DIAPH3: variants seen among roughly 807,000 people sequenced by gnomAD.
DIAPH3 encodes the protein protein diaphanous homolog 3.
Under a neutral mutation model 144.3 loss-of-function variants are expected in DIAPH3, and 117 were observed. The ratio of observed to expected loss-of-function variants is 0.81; its 90% CI spans 0.70 to 0.95. The LOEUF (loss-of-function observed/expected upper bound fraction) is 0.95. DIAPH3 is among the 40% of genes least tolerant of loss of function. The pLI, the probability that DIAPH3 is intolerant of heterozygous loss-of-function variation, is 0.00. For synonymous variants in DIAPH3, 519 were observed against 488.9 expected, an observed-to-expected ratio of 1.06 and a Z score of -0.81; for missense variants, 1,421 against 1,412.7, an observed-to-expected ratio of 1.01 and a Z score of -0.09.
intron 20 of DIAPH3, among the ~76,000 whole-genome samples, chr13:59,909,951 T>C (rs2046910847): frequency 6.6e-6 from 1 of 152,236 alleles, no homozygotes; most frequent in South Asian, 2.1e-4. Context: ...ATAACTTGGC[T>C]ATTTTAAGTA....
chr13:59,850,063 T>G (rs559814540), intron 22 of DIAPH3, among the ~76,000 whole-genome samples: 1 of 147,336 alleles, frequency 6.8e-6, no homozygotes, highest in Non-Finnish European at 1.5e-5. Flanking sequence ...CCTAGGTATT[T>G]TATTCTCTTT....
chr13:59,774,578 C>A (rs1238881728), intron 26 of DIAPH3, 150 bp downstream of exon 26: 1 of 784,050 alleles, frequency 1.3e-6, no homozygotes, highest in East Asian at 2.7e-5. Context: ...TTTGTCTGTG[C>A]AAGGGATTAA....
At chr13:59,988,095 C>T (rs1333795693) in intron 12 of DIAPH3, among the ~76,000 whole-genome samples, 3 of 151,862 alleles carry the variant, frequency 2.0e-5, no homozygotes, top group Non-Finnish European at 4.4e-5. Context: ...CCATCTATTA[C>T]AGTGAAGAAA....
At chr13:59,900,154 T>C (rs1243230673) in intron 20 of DIAPH3, among the ~76,000 whole-genome samples, 1 of 152,186 alleles carries the variant, frequency 6.6e-6, no homozygotes, top group Non-Finnish European at 1.5e-5. Flanking sequence ...TTGATGGAGA[T>C]TTGAACTAAA....
At chr13:60,090,443 A>G (rs1419353188) in intron 4 of DIAPH3, among the ~76,000 whole-genome samples, 1 of 152,128 alleles carries the variant, frequency 6.6e-6, no homozygotes, top group Non-Finnish European at 1.5e-5. Context: ...TTTGAGGGTT[A>G]AGTATTTTCA....
At chr13:60,140,986 G>A (rs2059414033) in intron 1 of DIAPH3, among the ~76,000 whole-genome samples, 1 of 152,078 alleles carries the variant, frequency 6.6e-6, no homozygotes, top group African/African-American at 2.4e-5. Flanking sequence ...AATTATTGAT[G>A]TTGTCACCTG....
chr13:60,016,641 A>T (rs2053671227), intron 5 of DIAPH3, among the ~76,000 whole-genome samples: 1 of 152,196 alleles, frequency 6.6e-6, no homozygotes, highest in Non-Finnish European at 1.5e-5. Context: ...TACTGGCAAA[A>T]ATTAATTAAA....
chr13:59,860,381 A>T (rs1184909779), intron 22 of DIAPH3, among the ~76,000 whole-genome samples: 1 of 152,224 alleles, frequency 6.6e-6, no homozygotes, highest in African/African-American at 2.4e-5. Context: ...GTTGTTTTCC[A>T]AAATGTATTC....
chr13:59,835,604 G>T (rs1261704434), intron 23 of DIAPH3, among the ~76,000 whole-genome samples: 1 of 151,708 alleles, frequency 6.6e-6, no homozygotes. Context: ...CTGCTAAGAA[G>T]GAATTAAGTG....
intron 5 of DIAPH3, among the ~76,000 whole-genome samples, chr13:60,030,450 T>C (rs745976813): frequency 6.6e-6 from 1 of 152,162 alleles, no homozygotes; most frequent in African/African-American, 2.4e-5. Flanking sequence ...TAAAAACACT[T>C]GAAATACCTG....
intron 1 of DIAPH3, chr13:60,144,596 T>A (rs1339427143): frequency 6.6e-6 from 1 of 152,198 alleles, no homozygotes; most frequent in Non-Finnish European, 1.5e-5. Context: ...TTTCCCAGAA[T>A]TCTAGAATTG....
chr13:59,915,636 T>C (rs1219360460), intron 19 of DIAPH3, among the ~76,000 whole-genome samples: 1 of 152,054 alleles, frequency 6.6e-6, no homozygotes, highest in African/African-American at 2.4e-5. Context: ...GAAAATACTA[T>C]GAATAAAAGC....
At chr13:59,951,573 T>C (rs1245747704) in intron 17 of DIAPH3, among the ~76,000 whole-genome samples, 1 of 152,154 alleles carries the variant, frequency 6.6e-6, no homozygotes. Flanking sequence ...ATTCACTCAA[T>C]AAACTTCATA....
At chr13:60,071,701 A>G (rs1293229525) in intron 4 of DIAPH3, among the ~76,000 whole-genome samples, 1 of 152,200 alleles carries the variant, frequency 6.6e-6, no homozygotes, top group Non-Finnish European at 1.5e-5. Context: ...GCTACATAGT[A>G]TGAACTGGTT....
chr13:60,046,943 G>C (rs1301449300), intron 4 of DIAPH3, among the ~76,000 whole-genome samples: 2 of 152,162 alleles, frequency 1.3e-5, no homozygotes, highest in East Asian at 3.9e-4. Context: ...ATGGACATAG[G>C]GAGGGGAACT....
At chr13:59,701,790 C>T (rs556012715) in intron 27 of DIAPH3, among the ~76,000 whole-genome samples, 38 of 152,188 alleles carry the variant, frequency 2.5e-4, no homozygotes, top group East Asian at 1.9e-3. Flanking sequence ...AATGGCCATA[C>T]ATACATCACT....
In DIAPH3 at chr13:59,764,428, G is replaced by C. The variant is rs149157853; in HGVS notation, c.3319+9761C>G. ...CCTGAGCCCTCAGAGTCCTGGGAGGGATGGATCAGTCCATTTGCCACTGGG... is the reference window on the plus strand; with the variant it reads ...CCTGAGCCCTCAGAGTCCTGGGAGGCATGGATCAGTCCATTTGCCACTGGG... On this transcript the variant is annotated intron_variant, in intron 27 of 27. Transcript: ENST00000400324. Among the ~76,000 whole-genome samples, 768 of 151,708 alleles carry C rather than the reference G, an allele frequency of 5.1e-3. 3 individuals are homozygous for C. Among genetic ancestry groups the C allele is most frequent in the South Asian group, 0.031 (148 of 4,746 alleles).
intron 19 of DIAPH3, among the ~76,000 whole-genome samples, chr13:59,913,544 A>G (rs1430979341): frequency 6.6e-6 from 1 of 152,146 alleles, no homozygotes; most frequent in Non-Finnish European, 1.5e-5. Flanking sequence ...CTCCCTCAAC[A>G]TATTCTATAG....
chr13:60,120,493 G>A (rs192999789), intron 2 of DIAPH3, among the ~76,000 whole-genome samples: 11 of 152,242 alleles, frequency 7.2e-5, no homozygotes, highest in Admixed American at 5.2e-4. Flanking sequence ...TTGAAAAGAC[G>A]AAAACTTACT....
Sources: allele counts gnomAD v4.1 joint callset (sites outside exome capture counted in the v4.1 genomes callset), GRCh38; gene constraint gnomAD v4.1.1; transcripts MANE v1.5; gene names NCBI Gene and HGNC (gene_info 2026-07-23, HGNC 2026-07-21).